MAGI2: variants seen among roughly 807,000 people sequenced by gnomAD.
MAGI2 encodes membrane-associated guanylate kinase, WW and PDZ domain-containing protein 2.
Under a neutral mutation model 133.3 loss-of-function variants are expected in MAGI2, and 35 were observed. That is an observed-to-expected ratio of 0.26 (90% CI 0.20 to 0.35). The LOEUF (loss-of-function observed/expected upper bound fraction) is 0.35, where lower values mean the gene tolerates loss of function less well. Ranked by LOEUF, MAGI2 falls within the 10% of genes least tolerant of loss-of-function variation. MAGI2 has a pLI of 1.00. For missense variants in MAGI2, 1,636 were observed against 1,863.4 expected, an observed-to-expected ratio of 0.88 and a Z score of 2.25; for synonymous variants, 729 against 710.6, an observed-to-expected ratio of 1.03 and a Z score of -0.41.
At chr7:78,995,314 G>T (rs1562764579) in intron 2 of MAGI2, among the ~76,000 whole-genome samples, 1 of 152,026 alleles carries the variant, frequency 6.6e-6, no homozygotes, top group Non-Finnish European at 1.5e-5. Flanking sequence ...AGATTCCTTT[G>T]TATATTTAAT....
chr7:78,725,527 G>C (rs920475373), intron 2 of MAGI2, among the ~76,000 whole-genome samples: 1 of 152,218 alleles, frequency 6.6e-6, no homozygotes, highest in Admixed American at 6.5e-5. Flanking sequence ...GGCCAGGCAC[G>C]GTGGCTCACG....
intron 1 of MAGI2, among the ~76,000 whole-genome samples, chr7:79,369,374 T>A (rs1336046969): frequency 6.6e-6 from 1 of 152,158 alleles, no homozygotes; most frequent in Non-Finnish European, 1.5e-5. Flanking sequence ...CTCAACTTAG[T>A]CCTCTAACCA....
rs1792557622 is a variant in MAGI2 at position 78,482,890 on chromosome 7, CACACACACA to C, written c.1045+6862_1045+6870del. Reference sequence around the variant, plus strand: ...CATCACATGGAACTACACACACACACACACACACACACACACACACACACACACACACAC... The same window carrying C: ...CATCACATGGAACTACACACACACACCACACACACACACACACACACACAC... On this transcript the variant is annotated intron_variant, in intron 6 of 21. Transcript: ENST00000354212. Among the ~76,000 whole-genome samples, 301 of 148,642 alleles carry C rather than the reference CACACACACA, an allele frequency of 2.0e-3. 2 individuals carry two copies. In the East Asian group the frequency reaches 0.03, roughly 15 times the overall value.
chr7:78,942,034 G>T (rs892651106), intron 2 of MAGI2, among the ~76,000 whole-genome samples: 31 of 152,062 alleles, frequency 2.0e-4, no homozygotes, highest in African/African-American at 7.5e-4. Flanking sequence ...AATTGAATTT[G>T]AAGTTATGTT....
intron 1 of MAGI2, among the ~76,000 whole-genome samples, chr7:79,395,355 G>A (rs559781365): frequency 6.6e-6 from 1 of 152,292 alleles, no homozygotes; most frequent in African/African-American, 2.4e-5. Flanking sequence ...ATGTGTTAAT[G>A]ATTATGAAAC....
intron 9 of MAGI2, among the ~76,000 whole-genome samples, chr7:78,268,010 G>A (rs995738912): frequency 1.6e-4 from 24 of 152,058 alleles, no homozygotes; most frequent in Non-Finnish European, 2.6e-4. Flanking sequence ...CCCTCTGTAC[G>A]ACTATTGAAC....
rs201098224 is a variant in MAGI2, at chr7:78,354,233, AC to A, written c.1104-8191del. Among the ~76,000 whole-genome samples the A allele has an allele frequency of 2.3e-3, 351 of 152,354 alleles. 2 individuals carry two copies. In the East Asian group the frequency reaches 0.037, roughly 16 times the overall value. ...AAGGGTGAGAATAGTCTGACTTGTAACATACTCTATGTTGAACTGGATTTCT... is the reference window on the plus strand; with the variant it reads ...AAGGGTGAGAATAGTCTGACTTGTAAATACTCTATGTTGAACTGGATTTCT... On this transcript the variant is annotated intron_variant, in intron 7 of 21. Coordinates refer to ENST00000354212, the MANE Select transcript of MAGI2 (RefSeq NM_012301.4).
intron 6 of MAGI2, among the ~76,000 whole-genome samples, chr7:78,398,236 A>T (rs1473737039): frequency 6.6e-6 from 1 of 152,192 alleles, no homozygotes; most frequent in African/African-American, 2.4e-5. Flanking sequence ...TCAGATAATA[A>T]TATCTGTTCT....
intron 9 of MAGI2, among the ~76,000 whole-genome samples, chr7:78,316,794 C>T (rs772379910): frequency 2.0e-5 from 3 of 152,188 alleles, no homozygotes; most frequent in African/African-American, 4.8e-5. Context: ...TCAATCCTTA[C>T]AGATTTTATA....
intron 10 of MAGI2, among the ~76,000 whole-genome samples, chr7:78,246,373 T>G (rs1405202679): frequency 6.6e-6 from 1 of 151,864 alleles, no homozygotes; most frequent in African/African-American, 2.4e-5. Flanking sequence ...GCACATTGCC[T>G]CCAAAGGAAT....
intron 1 of MAGI2, among the ~76,000 whole-genome samples, chr7:79,230,236 A>G (rs1349047564): frequency 2.0e-5 from 3 of 149,070 alleles, no homozygotes; most frequent in Non-Finnish European, 4.5e-5. Flanking sequence ...ATTGTGAATA[A>G]TGCTGCAATA....
intron 1 of MAGI2, among the ~76,000 whole-genome samples, chr7:79,447,496 T>A (rs1482148313): frequency 6.6e-6 from 1 of 152,052 alleles, no homozygotes; most frequent in African/African-American, 2.4e-5. Flanking sequence ...GATGTTTCCA[T>A]TGAACTGTAA....
intron 3 of MAGI2, among the ~76,000 whole-genome samples, chr7:78,536,891 G>C (rs117190435): frequency 0.048 from 7,285 of 151,676 alleles, 244 homozygotes; most frequent in Non-Finnish European, 0.071. Context: ...TAATTTCTGA[G>C]ATTTTGGTGC....
chr7:79,133,930 G>C (rs926401439), intron 1 of MAGI2, among the ~76,000 whole-genome samples: 5 of 152,124 alleles, frequency 3.3e-5, no homozygotes, highest in Non-Finnish European at 7.4e-5. Context: ...TTCAAAATAC[G>C]TTGGAAACCT....
At chr7:79,294,317 T>C (rs759031231) in intron 1 of MAGI2, among the ~76,000 whole-genome samples, 3 of 151,136 alleles carry the variant, frequency 2.0e-5, no homozygotes, top group Non-Finnish European at 2.9e-5. Flanking sequence ...TGCGGACACA[T>C]AGAAGGGTGC....
chr7:78,698,874 C>T (rs1817783163), intron 2 of MAGI2, among the ~76,000 whole-genome samples: 1 of 152,166 alleles, frequency 6.6e-6, no homozygotes, highest in Admixed American at 6.6e-5. Flanking sequence ...GATTCAATTA[C>T]CTCCCACTGG....
At chr7:78,885,628 AGTGTGT>A (rs61111430) in intron 2 of MAGI2, among the ~76,000 whole-genome samples, 5 of 148,858 alleles carry the variant, frequency 3.4e-5, no homozygotes, top group African/African-American at 1.2e-4. Context: ...TGAAAGGAAT[AGTGTGT>A]GTGTGTGTGT....
chr7:78,640,171 A>G (rs1422314157), intron 2 of MAGI2, among the ~76,000 whole-genome samples: 1 of 152,158 alleles, frequency 6.6e-6, no homozygotes, highest in African/African-American at 2.4e-5. Context: ...CTGATTGGAG[A>G]GCAAATTAAA....
chr7:78,461,393 C>CGAGTGTGTGTGT (rs1789983398), intron 6 of MAGI2, among the ~76,000 whole-genome samples: 1 of 138,018 alleles, frequency 7.2e-6, no homozygotes, highest in African/African-American at 2.6e-5. Flanking sequence ...CGTGTGTGTG[C>CGAGTGTGTGTGT]GTGTGTGTGT....
Sources: gnomAD v4.1 joint callset for allele counts (sites outside exome capture counted in the v4.1 genomes callset) on GRCh38, gnomAD v4.1.1 for gene constraint, MANE v1.5 for transcripts, NCBI Gene and HGNC (gene_info 2026-07-23, HGNC 2026-07-21) for gene names.